Variants in NFAM1 observed in about 807,000 individuals in gnomAD.
The protein encoded by NFAM1 is NFAT activation molecule 1.
Under a neutral mutation model 29.0 loss-of-function variants are expected in NFAM1, and 17 were observed. The observed-to-expected ratio is 0.59, with a 90% confidence interval of 0.40 to 0.88. NFAM1 has a LOEUF of 0.88. Ranked by LOEUF, NFAM1 falls within the 40% of genes least tolerant of loss-of-function variation. The probability of loss-of-function intolerance (pLI) is 0.00; values close to 1 mark genes in which losing one functional copy is unlikely to be tolerated. For synonymous variants in NFAM1, 175 were observed against 147.2 expected (o/e 1.19, Z -1.36); for missense variants, 324 against 344.6 (o/e 0.94, Z 0.47).
chr22:42,433,121 C>G (rs1449372125), upstream of NFAM1, among the ~76,000 whole-genome samples: 2 of 152,364 alleles, frequency 1.3e-5, no homozygotes, highest in African/African-American at 4.8e-5. Flanking sequence ...CTTCTAGCAG[C>G]ATCAGCCGGG....
chr22:42,431,227 G>A (rs1206278347), intron 1 of NFAM1, among the ~76,000 whole-genome samples: 2 of 152,202 alleles, frequency 1.3e-5, no homozygotes, highest in Non-Finnish European at 2.9e-5. Flanking sequence ...TCCTTAAAAT[G>A]GTGCAGGTGA....
intron 3 of NFAM1, among the ~76,000 whole-genome samples, chr22:42,403,733 G>C (rs1177239583): frequency 2.6e-5 from 4 of 152,256 alleles, no homozygotes; most frequent in Non-Finnish European, 5.9e-5. Context: ...CTGGGGCTTG[G>C]GCAGGGAACA....
chr22:42,401,360 G>A (rs1005275205), intron 3 of NFAM1, among the ~76,000 whole-genome samples: 2 of 152,330 alleles, frequency 1.3e-5, no homozygotes, highest in Non-Finnish European at 2.9e-5. Context: ...AAGGCCAAAT[G>A]CCATGGTGTC....
intron 4 of NFAM1, among the ~76,000 whole-genome samples, chr22:42,395,572 T>C (rs1424679765): frequency 6.6e-6 from 1 of 151,238 alleles, no homozygotes; most frequent in Admixed American, 6.6e-5. Flanking sequence ...ATAGATGACA[T>C]GACTGGGTTC....
At chr22:42,437,294 C>G (rs777744569), upstream of NFAM1, among the ~76,000 whole-genome samples, 14 of 152,028 alleles carry the variant, frequency 9.2e-5, no homozygotes, top group Non-Finnish European at 1.5e-4. Context: ...AGGCACCCAC[C>G]ACCACACCCG....
intron 4 of NFAM1, among the ~76,000 whole-genome samples, chr22:42,390,816 CAAAA>C (rs11343542): frequency 2.8e-5 from 3 of 107,602 alleles, no homozygotes; most frequent in East Asian, 5.4e-4. Flanking sequence ...GACTCCGTCT[CAAAA>C]AAAAAAAAAA....
chr22:42,421,767 A>G (rs1930454506), intron 1 of NFAM1, among the ~76,000 whole-genome samples: 1 of 152,250 alleles, frequency 6.6e-6, no homozygotes, highest in Non-Finnish European at 1.5e-5. Flanking sequence ...GTACAGAAGA[A>G]AGCAGTTCCC....
chr22:42,400,416 G>A (rs542935729), intron 3 of NFAM1, among the ~76,000 whole-genome samples: 19 of 152,192 alleles, frequency 1.2e-4, no homozygotes, highest in Non-Finnish European at 2.5e-4. Context: ...TCGGGAGTTC[G>A]AGACCAGCCT....
chr22:42,416,402 TGAG>T (rs1307849681), intron 1 of NFAM1, among the ~76,000 whole-genome samples: 1 of 151,892 alleles, frequency 6.6e-6, no homozygotes, highest in African/African-American at 2.4e-5. Flanking sequence ...CTGGCTGTGT[TGAG>T]GAAGAAGAGC....
Position 42,384,851 on chromosome 22 carries a change from G to A in NFAM1, c.*310C>T. On this transcript the variant is annotated 3_prime_UTR_variant, in exon 6 of 6. Transcript: ENST00000329021. ...AGCATGAGGCAGTGAGCAGGGCTCT[G>A]GGCAAGGGTGGCATCCAGGAAAGCC... 1 of 471,844 alleles carries A rather than the reference G, an allele frequency of 2.1e-6. No homozygotes were observed. The highest frequency in any genetic ancestry group is 3.9e-6 in the Non-Finnish European group (1 of 256,194). The allele number at this position is 471,844 out of a possible 1,614,324, so 29.2% of individuals were successfully genotyped here.
chr22:42,423,945 C>G (rs1930531138), intron 1 of NFAM1, among the ~76,000 whole-genome samples: 1 of 151,978 alleles, frequency 6.6e-6, no homozygotes, highest in Non-Finnish European at 1.5e-5. Context: ...GTCTTGAACT[C>G]CTGACCTCAT....
At chr22:42,407,055 A>G (rs753527230) in intron 3 of NFAM1, among the ~76,000 whole-genome samples, 1 of 147,390 alleles carries the variant, frequency 6.8e-6, no homozygotes, top group Non-Finnish European at 1.5e-5. Flanking sequence ...GATTACAGGC[A>G]TGAGCCACCG....
At chr22:42,410,518 G>T (rs1250567128) in intron 2 of NFAM1, 1 of 348,082 alleles carries the variant, frequency 2.9e-6, no homozygotes, top group Admixed American at 3.2e-5. Context: ...AAGTAGCCAG[G>T]TGTGGTGGTG....
At chr22:42,397,998 C>A in intron 3 of NFAM1, 42 bp from the exon 4 acceptor site, 3 of 1,106,670 alleles carry the variant, frequency 2.7e-6, no homozygotes, top group South Asian at 2.8e-5. Context: ...GAGTGGCTCT[C>A]GTCTTCCTCC....
intron 1 of NFAM1, among the ~76,000 whole-genome samples, chr22:42,431,894 G>A (rs867471602): frequency 5.9e-5 from 9 of 151,572 alleles, no homozygotes; most frequent in African/African-American, 1.9e-4. Context: ...GAGGTTCCTC[G>A]GATGGGGAGC....
At chr22:42,404,414 T>A (rs1051745606) in intron 3 of NFAM1, among the ~76,000 whole-genome samples, 1 of 152,118 alleles carries the variant, frequency 6.6e-6, no homozygotes, top group Admixed American at 6.6e-5. Flanking sequence ...TACCCCATCC[T>A]GCCGCTGCCA....
At chr22:42,424,137 T>G (rs538546596) in intron 1 of NFAM1, among the ~76,000 whole-genome samples, 1 of 147,890 alleles carries the variant, frequency 6.8e-6, no homozygotes, top group Non-Finnish European at 1.5e-5. Flanking sequence ...AACACATGGC[T>G]GGGCGCGGTG....
At chr22:42,410,406 T>A (rs1376706425) in intron 2 of NFAM1, 4 of 377,644 alleles carry the variant, frequency 1.1e-5, no homozygotes, top group Non-Finnish European at 2.1e-5. Context: ...ATGCCTGTAA[T>A]CCCAACACTC....
In NFAM1 at chr22:42,409,525, C is replaced by G; in HGVS notation, c.474G>C (p.Pro158=). 6.5e-7 allele frequency: 1 copy of G among 1,537,776 alleles called. No individual in the cohort carries two copies. Among genetic ancestry groups the G allele is most frequent in the Non-Finnish European group, 8.8e-7 (1 of 1,140,722 alleles). The stretch of plus-strand genomic sequence containing the variant: ...AGAGCAGGAGCTTCTGTGGACTCTG[C>G]GGGGGCTCTCGGTACCCTGCGTCTA... The part of the protein sequence containing the change: ...LVRDAGYREP[P]QSPQKLLLFG... Residue 158 remains proline, a synonymous_variant, in exon 3 of 6, where the codon CCG becomes CCC. Coordinates refer to ENST00000329021, the MANE Select transcript of NFAM1 (RefSeq NM_145912.8). This position sits in a 1 kb window ranked among gnomAD's most constrained non-coding sequence, Gnocchi z 4.9.
Sources: allele counts gnomAD v4.1 joint callset (sites outside exome capture counted in the v4.1 genomes callset), GRCh38; gene constraint gnomAD v4.1.1; non-coding constraint Gnocchi (gnomAD v3.1); transcripts MANE v1.5; gene names NCBI Gene and HGNC (gene_info 2026-07-23, HGNC 2026-07-21).